Variants in FHIT observed in about 807,000 individuals in gnomAD.
FHIT encodes the protein bis(5'-adenosyl)-triphosphatase.
Under a neutral mutation model 17.9 loss-of-function variants are expected in FHIT, and 19 were observed. The ratio of observed to expected loss-of-function variants is 1.06; its 90% CI spans 0.74 to 1.56. The LOEUF is 1.56. FHIT is among the 40% of genes most tolerant of loss of function. The probability of loss-of-function intolerance (pLI) is 0.00; values close to 1 mark genes in which losing one functional copy is unlikely to be tolerated. For missense variants in FHIT, 248 were observed against 189.2 expected (o/e 1.31, Z -1.82); for synonymous variants, 81 against 69.7 (o/e 1.16, Z -0.81).
intron 4 of FHIT, among the ~76,000 whole-genome samples, chr3:60,742,702 C>T (rs1577147362): frequency 6.6e-6 from 1 of 152,198 alleles, no homozygotes; most frequent in African/African-American, 2.4e-5. Flanking sequence ...ACCACTTTTG[C>T]ATTTAGTTAA....
chr3:60,124,049 G>GAGAGAGGGAGAGAGACAGAGAGAC (rs1705421747), intron 5 of FHIT, among the ~76,000 whole-genome samples: 5 of 109,476 alleles, frequency 4.6e-5, no homozygotes, highest in African/African-American at 2.2e-4. Flanking sequence ...GAGAGAGAGA[G>GAGAGAGGGAGAGAGACAGAGAGAC]AGAGAGACAG....
At chr3:59,978,894 C>T (rs1708529198) in intron 7 of FHIT, among the ~76,000 whole-genome samples, 2 of 151,854 alleles carry the variant, frequency 1.3e-5, no homozygotes, top group South Asian at 4.2e-4. Context: ...GCTTCCCAGA[C>T]TCTGTTCTTC....
intron 4 of FHIT, among the ~76,000 whole-genome samples, chr3:60,711,889 C>A (rs2041543870): frequency 6.6e-6 from 1 of 152,170 alleles, no homozygotes; most frequent in Non-Finnish European, 1.5e-5. Context: ...TCTAGCAAGG[C>A]AGGCCAACAT....
intron 4 of FHIT, among the ~76,000 whole-genome samples, chr3:60,616,199 C>G (rs1159110416): frequency 6.6e-6 from 1 of 152,128 alleles, no homozygotes; most frequent in East Asian, 1.9e-4. Context: ...TCCACAAGAC[C>G]TATTTACACA....
intron 7 of FHIT, among the ~76,000 whole-genome samples, chr3:60,010,767 T>G (rs1187629711): frequency 6.6e-6 from 1 of 152,154 alleles, no homozygotes; most frequent in Non-Finnish European, 1.5e-5. Flanking sequence ...TAAATCCTCC[T>G]TTCTTCTCCT....
intron 3 of FHIT, among the ~76,000 whole-genome samples, chr3:61,034,159 C>T (rs2033135217): frequency 6.6e-6 from 1 of 152,078 alleles, no homozygotes; most frequent in Non-Finnish European, 1.5e-5. Flanking sequence ...AACTGTAAAA[C>T]TCTTTGAAGA....
intron 4 of FHIT, among the ~76,000 whole-genome samples, chr3:60,661,109 A>G (rs1553691040): frequency 6.6e-6 from 1 of 152,094 alleles, no homozygotes; most frequent in Non-Finnish European, 1.5e-5. Flanking sequence ...TGGTTACATG[A>G]ATAGGTTCTT....
intron 5 of FHIT, among the ~76,000 whole-genome samples, chr3:60,365,783 T>C (rs1235289604): frequency 5.3e-5 from 8 of 152,202 alleles, no homozygotes; most frequent in African/African-American, 1.7e-4. Context: ...TTTTAAATGA[T>C]TTGACTCTGA....
In FHIT at chr3:60,634,294, A is replaced by C. The variant is rs562628319; in HGVS notation, c.-17-97315T>G. Among the ~76,000 whole-genome samples the C allele has an allele frequency of 5.5e-4, 83 of 152,274 alleles. 1 individual carries two copies. The highest frequency in any genetic ancestry group is 7.2e-4 in the African/African-American group (30 of 41,566). The stretch of plus-strand genomic sequence containing the variant: ...CTCTCACACCACTCTAAAACAACAA[A>C]AAAAAAATCTTTTCAAAAGCTAACA... On this transcript the variant is annotated intron_variant, in intron 4 of 9. Coordinates refer to ENST00000492590, the MANE Select transcript of FHIT (RefSeq NM_002012.4).
At chr3:60,145,604 A>G (rs1234036345) in intron 5 of FHIT, among the ~76,000 whole-genome samples, 3 of 152,174 alleles carry the variant, frequency 2.0e-5, no homozygotes, top group South Asian at 2.1e-4. Flanking sequence ...TCAGCAACGG[A>G]AACAAACATA....
chr3:60,238,447 C>CAAAAAA (rs374701930), intron 5 of FHIT, among the ~76,000 whole-genome samples: 4 of 117,522 alleles, frequency 3.4e-5, no homozygotes, highest in Non-Finnish European at 5.1e-5. Context: ...CTGTACTAAG[C>CAAAAAA]AAAAAAAAAA....
chr3:59,959,392 T>C (rs771003356), intron 7 of FHIT, among the ~76,000 whole-genome samples: 5 of 152,110 alleles, frequency 3.3e-5, no homozygotes, highest in Non-Finnish European at 7.4e-5. Context: ...GACAGGAAAA[T>C]GAGGTTCAGG....
intron 4 of FHIT, among the ~76,000 whole-genome samples, chr3:60,714,873 A>G (rs1377814522): frequency 6.6e-6 from 1 of 152,232 alleles, no homozygotes; most frequent in Non-Finnish European, 1.5e-5. Context: ...GGTAATTTAT[A>G]GATTCAATGT....
At chr3:60,865,473 G>A (rs1553753649) in intron 3 of FHIT, among the ~76,000 whole-genome samples, 5 of 152,076 alleles carry the variant, frequency 3.3e-5, no homozygotes, top group Admixed American at 6.6e-5. Flanking sequence ...TGTTAGACAT[G>A]CCTAATAAAA....
rs2039330851 is a variant in FHIT, at chr3:61,208,439, G to C, written c.-212-7774C>G. On this transcript the variant is annotated intron_variant, in intron 1 of 9. Transcript: ENST00000492590. Reference sequence around the variant, plus strand: ...TATTAAAGTCTCCCATTATTATTGTGTGGGAGTCTAAGTCTCTTTGTAGGT... The same window carrying C: ...TATTAAAGTCTCCCATTATTATTGTCTGGGAGTCTAAGTCTCTTTGTAGGT... 5.3e-5 allele frequency among the ~76,000 whole-genome samples: 8 copies of C among 152,032 alleles called. No homozygotes were observed. The South Asian group carries it at 1.7e-3, about 32-fold the overall frequency.
At chr3:60,153,756 A>T (rs1700567876) in intron 5 of FHIT, among the ~76,000 whole-genome samples, 1 of 152,156 alleles carries the variant, frequency 6.6e-6, no homozygotes, top group African/African-American at 2.4e-5. Flanking sequence ...TCTAGGGGTT[A>T]AACTCTACTG....
At chr3:60,364,129 C>A (rs566870521) in intron 5 of FHIT, among the ~76,000 whole-genome samples, 1 of 152,158 alleles carries the variant, frequency 6.6e-6, no homozygotes, top group Non-Finnish European at 1.5e-5. Flanking sequence ...TTGAATGTAC[C>A]ATCTGGTCCC....
In FHIT at chr3:59,747,853, C is replaced by T. The variant is rs75354644; in HGVS notation, c.*1732G>A. 0.048 allele frequency among the ~76,000 whole-genome samples: 7,377 copies of T among 152,152 alleles called. 230 individuals carry two copies. Among genetic ancestry groups the T allele is most frequent in the African/African-American group, 0.08 (3,318 of 41,518 alleles). On this transcript the variant is annotated 3_prime_UTR_variant, in exon 10 of 10. Transcript: ENST00000492590. ...GTTTAGGGTTGAAGCAAGTCTAAAGCCAGCTTGCTCTGGGTTTAAGATCTG... is the reference window on the plus strand; with the variant it reads ...GTTTAGGGTTGAAGCAAGTCTAAAGTCAGCTTGCTCTGGGTTTAAGATCTG...
At chr3:61,121,015 T>C (rs1334197849) in intron 2 of FHIT, among the ~76,000 whole-genome samples, 1 of 151,262 alleles carries the variant, frequency 6.6e-6, no homozygotes, top group Non-Finnish European at 1.5e-5. Flanking sequence ...ATCAACTTAA[T>C]GAAATAAAGT....
Sources: allele counts gnomAD v4.1 joint callset (sites outside exome capture counted in the v4.1 genomes callset), GRCh38; gene constraint gnomAD v4.1.1; transcripts MANE v1.5; gene names NCBI Gene and HGNC (gene_info 2026-07-23, HGNC 2026-07-21).